The following DCC variants were observed in gnomAD, a reference collection of about 807,000 sequenced individuals.
DCC encodes DCC netrin 1 receptor.
DCC carries 58 observed loss-of-function variants against 172.5 expected under a neutral mutation model. That is an observed-to-expected ratio of 0.34 (90% CI 0.27 to 0.42). DCC has a LOEUF of 0.42. Ranked by LOEUF, DCC falls within the 10% of genes least tolerant of loss-of-function variation. The pLI is 1.00. For synonymous variants in DCC, 709 were observed against 644.5 expected, an observed-to-expected ratio of 1.10 and a Z score of -1.52; for missense variants, 1,740 against 1,791.0, an observed-to-expected ratio of 0.97 and a Z score of 0.51.
At chr18:52,662,279 T>C (rs996364164) in intron 1 of DCC, among the ~76,000 whole-genome samples, 2 of 152,088 alleles carry the variant, frequency 1.3e-5, no homozygotes, top group Non-Finnish European at 2.9e-5. Context: ...TTCTAGGAGA[T>C]TCAACATGTG....
intron 2 of DCC, among the ~76,000 whole-genome samples, chr18:52,853,176 T>G (rs2039003307): frequency 6.6e-6 from 1 of 152,106 alleles, no homozygotes; most frequent in South Asian, 2.1e-4. Flanking sequence ...GGAGAGTATT[T>G]AATTTGCGAA....
intron 12 of DCC, among the ~76,000 whole-genome samples, chr18:53,275,660 A>T (rs1444415871): frequency 6.6e-6 from 1 of 152,038 alleles, no homozygotes; most frequent in Non-Finnish European, 1.5e-5. Flanking sequence ...GCAAGCAACA[A>T]CCCACTAAAA....
chr18:52,868,153 G>T (rs4940220), intron 2 of DCC, among the ~76,000 whole-genome samples: 1 of 150,470 alleles, frequency 6.6e-6, no homozygotes, highest in East Asian at 2.0e-4. Flanking sequence ...TTTAATTTAG[G>T]CTTCTTTTTA....
intron 1 of DCC, among the ~76,000 whole-genome samples, chr18:52,607,260 C>G (rs2034152032): frequency 6.6e-6 from 1 of 152,104 alleles, no homozygotes; most frequent in African/African-American, 2.4e-5. Flanking sequence ...GCATCCATCA[C>G]TTTTGCTCTG....
intron 15 of DCC, among the ~76,000 whole-genome samples, chr18:53,342,580 A>G (rs1210553993): frequency 2.0e-5 from 3 of 151,064 alleles, no homozygotes; most frequent in Admixed American, 6.6e-5. Context: ...GAGGTATAAT[A>G]TTTGTTTAAT....
chr18:53,296,919 T>A (rs1031115925), intron 12 of DCC, among the ~76,000 whole-genome samples: 2 of 152,192 alleles, frequency 1.3e-5, no homozygotes, highest in Non-Finnish European at 2.9e-5. Flanking sequence ...GGGAATTCCA[T>A]CTAGATAAAA....
chr18:53,482,537 A>T (rs1276164990), intron 25 of DCC, among the ~76,000 whole-genome samples: 6 of 152,104 alleles, frequency 3.9e-5, no homozygotes, highest in Admixed American at 3.9e-4. Flanking sequence ...TTCTCTCTCC[A>T]AATTTGTTTG....
At chr18:53,397,593 A>G (rs1909036120) in intron 18 of DCC, 147 bp downstream of exon 18, 1 of 836,898 alleles carries the variant, frequency 1.2e-6, no homozygotes, top group Non-Finnish European at 1.9e-6. Flanking sequence ...GCACTTTTAT[A>G]TCTAAGAGTA....
intron 1 of DCC, among the ~76,000 whole-genome samples, chr18:52,697,497 T>A (rs2036033914): frequency 6.6e-6 from 1 of 152,136 alleles, no homozygotes; most frequent in Non-Finnish European, 1.5e-5. Flanking sequence ...AACATCATAA[T>A]AATGCCTAGT....
intron 2 of DCC, among the ~76,000 whole-genome samples, chr18:52,876,063 G>C (rs955256510): frequency 6.6e-6 from 1 of 151,996 alleles, no homozygotes; most frequent in Admixed American, 6.6e-5. Context: ...CTAGTATTTT[G>C]ATGTTCTTTA....
At chr18:52,469,855 T>A (rs1308483602) in intron 1 of DCC, among the ~76,000 whole-genome samples, 1 of 152,204 alleles carries the variant, frequency 6.6e-6, no homozygotes, top group Non-Finnish European at 1.5e-5. Context: ...TGCCTCCAGC[T>A]GCCAGATGAA....
intron 1 of DCC, among the ~76,000 whole-genome samples, chr18:52,583,537 T>C (rs2033602562): frequency 6.6e-6 from 1 of 152,228 alleles, no homozygotes; most frequent in Non-Finnish European, 1.5e-5. Flanking sequence ...ATCCATCCTT[T>C]TCAAATGATA....
chr18:53,170,669 C>T (rs2054999886), intron 8 of DCC, among the ~76,000 whole-genome samples: 1 of 152,048 alleles, frequency 6.6e-6, no homozygotes, highest in African/African-American at 2.4e-5. Context: ...GTATCAGGTG[C>T]CATGTATTTT....
chr18:52,899,257 C>G (rs536043615), intron 2 of DCC, among the ~76,000 whole-genome samples: 97 of 152,116 alleles, frequency 6.4e-4, no homozygotes, highest in African/African-American at 2.2e-3. Flanking sequence ...TCAAGTGATC[C>G]TGCCACCTCA....
chr18:52,956,301 G>A (rs559776118), intron 5 of DCC, among the ~76,000 whole-genome samples: 4 of 151,884 alleles, frequency 2.6e-5, no homozygotes, highest in African/African-American at 4.8e-5. Context: ...TTTCAGTATC[G>A]TTTGTTGAAA....
chr18:53,189,098 G>T (rs916565304), intron 9 of DCC, among the ~76,000 whole-genome samples: 1 of 152,018 alleles, frequency 6.6e-6, no homozygotes, highest in Non-Finnish European at 1.5e-5. Context: ...TTCTTAGTAC[G>T]ATTCAATGTC....
chr18:52,425,549 G>C (rs928255929), intron 1 of DCC, among the ~76,000 whole-genome samples: 7 of 152,112 alleles, frequency 4.6e-5, no homozygotes, highest in Admixed American at 4.6e-4. Flanking sequence ...CACTGGGAAC[G>C]TTATGACTAT....
At chr18:53,506,043 T>C (rs376297539) in intron 27 of DCC, among the ~76,000 whole-genome samples, 6 of 152,328 alleles carry the variant, frequency 3.9e-5, no homozygotes, top group African/African-American at 1.4e-4. Context: ...CAAATAAATG[T>C]ATATCTACCT....
chr18:53,165,788 C>A (rs1041663204), intron 8 of DCC, among the ~76,000 whole-genome samples: 4 of 152,158 alleles, frequency 2.6e-5, no homozygotes, highest in Non-Finnish European at 5.9e-5. Flanking sequence ...GAGAACCCAG[C>A]AGATTCTCTG....
Sources: allele counts gnomAD v4.1 joint callset (sites outside exome capture counted in the v4.1 genomes callset), GRCh38; gene constraint gnomAD v4.1.1; transcripts MANE v1.5; gene names NCBI Gene and HGNC (gene_info 2026-07-23, HGNC 2026-07-21).